TEAD3: variants seen among roughly 807,000 people sequenced by gnomAD.
TEAD3 encodes transcriptional enhancer factor TEF-5.
TEAD3 carries 15 observed loss-of-function variants against 55.6 expected under a neutral mutation model. The ratio of observed to expected loss-of-function variants is 0.27; its 90% CI spans 0.18 to 0.42. The LOEUF is 0.42. Among genes scored for constraint, TEAD3 ranks in the 10% least tolerant of loss-of-function variants. TEAD3 has a pLI of 1.00. For missense variants in TEAD3, 407 were observed against 576.8 expected (o/e 0.71, Z 3.01); for synonymous variants, 210 against 232.2 (o/e 0.90, Z 0.87).
Position 35,476,285 on chromosome 6 carries a change from A to ACC in TEAD3, c.726+15_726+16dup. 6.2e-7 allele frequency: 1 copy of ACC among 1,609,860 alleles called. No homozygotes were observed. ...CACAATTGTGCAAAGCCTCACCCTCACCCCCAAACACGTTACCGTGTCAGG... is the reference window on the plus strand; with the variant it reads ...CACAATTGTGCAAAGCCTCACCCTCACCCCCCCAAACACGTTACCGTGTCAGG... On this transcript the variant is annotated intron_variant, in intron 9 of 12. Coordinates refer to ENST00000639578, the Ensembl canonical transcript of TEAD3.
chr6:35,482,287 C>G (rs906197429), intron 3 of TEAD3, among the ~76,000 whole-genome samples: 1 of 151,702 alleles, frequency 6.6e-6, no homozygotes, highest in African/African-American at 2.4e-5. Context: ...TTAAAAGGAT[C>G]AAAAAAAACC....
intron 1 of TEAD3, among the ~76,000 whole-genome samples, chr6:35,493,657 C>T (rs1332490969): frequency 6.6e-6 from 1 of 152,236 alleles, no homozygotes; most frequent in Non-Finnish European, 1.5e-5. Context: ...AAGTCACACA[C>T]AGACAAACCT....
intron 3 of TEAD3, among the ~76,000 whole-genome samples, chr6:35,482,288 A>C (rs1451771547): frequency 6.6e-6 from 1 of 152,036 alleles, no homozygotes. Flanking sequence ...TAAAAGGATC[A>C]AAAAAAACCT....
Position 35,486,245 on chromosome 6 carries a change from G to C in TEAD3, c.202+216C>G, listed in dbSNP as rs1036745841. Among the ~76,000 whole-genome samples, 1 of 152,228 alleles carries C rather than the reference G, an allele frequency of 6.6e-6. No homozygotes were observed. The highest frequency in any genetic ancestry group is 1.5e-5 in the Non-Finnish European group (1 of 68,038). On this transcript the variant is annotated intron_variant, in intron 2 of 12. Transcript: ENST00000639578. This position sits in a 1 kb window ranked among gnomAD's most constrained non-coding sequence, Gnocchi z 7.3. ...GGTAGCGGGGAGGAGAGGAGGAGCA[G>C]GCGGGGGTGCCAAGGTGTGGGCTGC...
intron 1 of TEAD3, among the ~76,000 whole-genome samples, chr6:35,495,823 C>T (rs1453214070): frequency 2.0e-5 from 3 of 152,220 alleles, no homozygotes; most frequent in Non-Finnish European, 4.4e-5. Context: ...CTGTGTCCAG[C>T]CCCTACCCCT....
rs775666158 is a variant in TEAD3 at position 35,483,091 on chromosome 6, G to A, written c.267+1469C>T. ...GGGCTCCAGGGGACAGGGCTCTGGC[G>A]CACGCCTCCATGTGGTATCCCTGGT... On this transcript the variant is annotated intron_variant, in intron 3 of 12. Transcript: ENST00000639578. This position sits in a 1 kb window ranked among gnomAD's most constrained non-coding sequence, Gnocchi z 4.5. Among the ~76,000 whole-genome samples the A allele has an allele frequency of 2.0e-5, 3 of 152,192 alleles. No individual in the cohort carries two copies. The highest frequency in any genetic ancestry group is 4.8e-5 in the African/African-American group (2 of 41,442).
intron 1 of TEAD3, among the ~76,000 whole-genome samples, chr6:35,487,813 C>G (rs1768419155): frequency 6.6e-6 from 1 of 152,136 alleles, no homozygotes; most frequent in East Asian, 1.9e-4. Context: ...GCCCATTATC[C>G]AGAGATGAAA....
At chr6:35,493,794 C>T (rs1418352927) in intron 1 of TEAD3, among the ~76,000 whole-genome samples, 3 of 152,266 alleles carry the variant, frequency 2.0e-5, no homozygotes, top group Non-Finnish European at 4.4e-5. Flanking sequence ...CACATACACA[C>T]AGCATCGTGC....
In TEAD3 at chr6:35,477,369, G is replaced by C. The variant is rs772618267; in HGVS notation, c.534C>G (p.Ile178Met). The change falls in exon 8 of 13, where the codon ATC becomes ATG. Residue 178 changes from isoleucine to methionine, a missense_variant. Coordinates refer to ENST00000639578, the Ensembl canonical transcript of TEAD3. Reference sequence around the variant, plus strand: ...GGTAGGCTGGCTGTGCAAAGGGCTTGATGCTGCAGACAGGAGCACAGCCTG... The same window carrying C: ...GGTAGGCTGGCTGTGCAAAGGGCTTCATGCTGCAGACAGGAGCACAGCCTG... 3.1e-6 allele frequency: 5 copies of C among 1,601,398 alleles called. No homozygotes were observed. In the East Asian group the frequency reaches 1.1e-4, roughly 36 times the overall value.
Position 35,484,771 on chromosome 6 carries a change from G to A in TEAD3, c.203-147C>T. ...ACTCTCTTCACCCCAAGCTGCACAT[G>A]CAGGGCATGCAAAGGTGGCTGGGGA... On this transcript the variant is annotated intron_variant, in intron 2 of 12. Transcript: ENST00000639578. This position sits in a 1 kb window ranked among gnomAD's most constrained non-coding sequence, Gnocchi z 5.8. 1 of 734,754 alleles carries A rather than the reference G, an allele frequency of 1.4e-6. No individual in the cohort carries two copies. Among genetic ancestry groups the A allele is most frequent in the South Asian group, 1.7e-5 (1 of 59,574 alleles). 45.5% of individuals were successfully genotyped at this position (734,754 alleles called of 1,614,324 possible). A position where few individuals can be genotyped will look rare whatever the true frequency, so the allele number is the denominator to read the frequency against.
At chr6:35,477,185 C>T in intron 8 of TEAD3, 126 bp downstream of exon 8, 3 of 954,710 alleles carry the variant, frequency 3.1e-6, no homozygotes, top group Non-Finnish European at 3.2e-6. Context: ...CTATTCCTGG[C>T]CTGTCCCAAT....
At chr6:35,479,391 G>A (rs888398994) in intron 4 of TEAD3, 75 bp from the exon 5 acceptor site, 11 of 1,574,670 alleles carry the variant, frequency 7.0e-6, no homozygotes, top group South Asian at 6.7e-5. Context: ...ACGTCTTTGC[G>A]CCTACCTCCA....
In TEAD3 at chr6:35,486,790, T is replaced by TG; in HGVS notation, c.-49-80dup. 1.9e-6 allele frequency: 2 copies of TG among 1,052,660 alleles called. No homozygotes were observed. The highest frequency in any genetic ancestry group is 1.6e-5 in the South Asian group (1 of 62,334). 65.2% of individuals were successfully genotyped at this position (1,052,660 alleles called of 1,614,324 possible). On this transcript the variant is annotated intron_variant, in intron 1 of 12. Transcript: ENST00000639578. This position sits in a 1 kb window ranked among gnomAD's most constrained non-coding sequence, Gnocchi z 7.3. ...TCTCCTATCCCACAGCCGCTGGCTC[T>TG]GGAGCTCCGCCCCCAGCCCCAAGCC... is the stretch of plus-strand genomic sequence containing the variant.
At chr6:35,476,185 A>C in intron 9 of TEAD3, 93 bp from the exon 10 acceptor site, 4 of 1,543,816 alleles carry the variant, frequency 2.6e-6, no homozygotes, top group Non-Finnish European at 3.5e-6. Context: ...AGAATTGCCT[A>C]GGGCTTCCTG....
downstream of TEAD3, chr6:35,474,017 T>A (rs1207070768): frequency 2.6e-5 from 4 of 151,580 alleles, no homozygotes; most frequent in African/African-American, 4.9e-5. Flanking sequence ...GCAGGTAGAT[T>A]GAGGTGGGGA....
Position 35,486,356 on chromosome 6 carries a change from G to GC in TEAD3, c.202+104dup. On this transcript the variant is annotated intron_variant, in intron 2 of 12. Coordinates refer to ENST00000639578, the Ensembl canonical transcript of TEAD3. The surrounding 1 kb of genome is among the most constrained non-coding windows in gnomAD (Gnocchi z 7.3). ...CACACAGGCTTGCGCGCCCAGACTC[G>GC]CCCGGCCAGCGGCTGGCGGCCTCCG... 1 of 1,356,900 alleles carries GC rather than the reference G, an allele frequency of 7.4e-7. No homozygotes were observed. Among genetic ancestry groups the GC allele is most frequent in the South Asian group, 1.4e-5 (1 of 71,166 alleles). 84.1% of individuals were successfully genotyped at this position (1,356,900 alleles called of 1,614,324 possible).
Position 35,480,703 on chromosome 6 carries a change from G to A in TEAD3, c.268-581C>T, listed in dbSNP as rs993571006. Among the ~76,000 whole-genome samples the A allele has an allele frequency of 2.0e-5, 3 of 152,232 alleles. No homozygotes were observed. The East Asian group carries it at 5.8e-4, about 29-fold the overall frequency. ...GATCAAGAGCCACAGTGGCTTCCAG[G>A]GCCACCATGTACAGCTGCACAGGTT... On this transcript the variant is annotated intron_variant, in intron 3 of 12. Coordinates refer to ENST00000639578, the Ensembl canonical transcript of TEAD3.
At chr6:35,478,052 CCT>C (rs1192396891) in intron 7 of TEAD3, among the ~76,000 whole-genome samples, 1 of 151,428 alleles carries the variant, frequency 6.6e-6, no homozygotes, top group Non-Finnish European at 1.5e-5. Context: ...CAAGTCTTGC[CCT>C]GTTACCCAGG....
rs1768375371 is a variant in TEAD3, at chr6:35,486,206, G to A, written c.202+255C>T. Reference sequence around the variant, plus strand: ...TTTCTTGGGCCCACTGAGTCACCTCGAAACCTCCAGGCCGGTAGCGGGGAG... The same window carrying A: ...TTTCTTGGGCCCACTGAGTCACCTCAAAACCTCCAGGCCGGTAGCGGGGAG... On this transcript the variant is annotated intron_variant, in intron 2 of 12. Coordinates refer to ENST00000639578, the Ensembl canonical transcript of TEAD3. This position sits in a 1 kb window ranked among gnomAD's most constrained non-coding sequence, Gnocchi z 7.3. Among the ~76,000 whole-genome samples the A allele has an allele frequency of 6.6e-6, 1 of 152,224 alleles. No homozygotes were observed. Among genetic ancestry groups the A allele is most frequent in the Admixed American group, 6.5e-5 (1 of 15,292 alleles).
Sources: gnomAD v4.1 joint callset for allele counts (sites outside exome capture counted in the v4.1 genomes callset) on GRCh38, gnomAD v4.1.1 for gene constraint, Gnocchi (gnomAD v3.1) non-coding constraint, MANE v1.5 for transcripts, NCBI Gene and HGNC (gene_info 2026-07-23, HGNC 2026-07-21) for gene names.